Variants in GRIP1 observed in about 807,000 individuals in gnomAD.
GRIP1 encodes glutamate receptor interacting protein 1, also known as glutamate receptor-interacting protein 1.
A neutral mutation model predicts 129.9 loss-of-function variants in GRIP1; 45 were observed. The observed-to-expected ratio is 0.35, with a 90% CI of 0.27 to 0.44. The LOEUF (loss-of-function observed/expected upper bound fraction) is 0.44. Ranked by LOEUF, GRIP1 falls within the 20% of genes least tolerant of loss-of-function variation. The pLI is 1.00. For synonymous variants in GRIP1, 530 were observed against 520.8 expected, an observed-to-expected ratio of 1.02 and a Z score of -0.24; for missense variants, 1,196 against 1,396.8, an observed-to-expected ratio of 0.86 and a Z score of 2.29.
chr12:66,826,925 G>A lies in GRIP1; in HGVS notation c.59-229998C>T, dbSNP rs894884338. On this transcript the variant is annotated intron_variant, in intron 1 of 1. Coordinates refer to the GRIP1 transcript ENST00000643019. ...GCATCAAAGAGAGTATTGGTAGAGG[G>A]AAATCAATAATATACATCCAAATAT... is the stretch of plus-strand genomic sequence containing the variant. Among the ~76,000 whole-genome samples, 30 of 152,020 alleles carry A rather than the reference G, an allele frequency of 2.0e-4. No individual in the cohort carries two copies. In the East Asian group the frequency reaches 3.5e-3, roughly 18 times the overall value.
chr12:66,898,901 G>A (rs1000557976), intron 1 of GRIP1, among the ~76,000 whole-genome samples: 12 of 152,164 alleles, frequency 7.9e-5, no homozygotes, highest in Admixed American at 6.6e-4. Flanking sequence ...GAACAGGAAA[G>A]TTTATGTAAG....
intron 11 of GRIP1, among the ~76,000 whole-genome samples, chr12:66,449,941 G>C (rs2058731977): frequency 6.6e-6 from 1 of 151,812 alleles, no homozygotes; most frequent in Admixed American, 6.6e-5. Context: ...CAGATTATCG[G>C]ACTACTTAAT....
chr12:66,382,100 A>G (rs973169058), intron 19 of GRIP1, among the ~76,000 whole-genome samples: 5 of 152,150 alleles, frequency 3.3e-5, no homozygotes, highest in African/African-American at 4.8e-5. Flanking sequence ...TTAGCTGGGC[A>G]TGGTGGCGCA....
intron 11 of GRIP1, among the ~76,000 whole-genome samples, chr12:66,451,383 GTTTTTTTTTTTTTTTTTTT>G (rs1169331519): frequency 2.3e-4 from 10 of 42,652 alleles, no homozygotes; most frequent in South Asian, 7.9e-4. Flanking sequence ...ATTATAATCT[GTTTTTTTTTTTTTTTTTTT>G]TTTTTTTTTT....
intron 1 of GRIP1, among the ~76,000 whole-genome samples, chr12:66,706,232 G>T (rs960958029): frequency 1.3e-5 from 2 of 152,130 alleles, no homozygotes; most frequent in African/African-American, 4.8e-5. Context: ...CCATCAAAAA[G>T]TGGGCAAAGG....
chr12:66,699,730 A>G lies in GRIP1; in HGVS notation c.-419-69394T>C, dbSNP rs140071457. 2.1e-4 allele frequency among the ~76,000 whole-genome samples: 32 copies of G among 152,322 alleles called. No individual in the cohort carries two copies. The East Asian group carries it at 6.2e-3, about 29-fold the overall frequency. On this transcript the variant is annotated intron_variant, in intron 1 of 4. Transcript: ENST00000538373. ...AAGCAAAATATCTCCTTTGTTACTAATAAAGCTGATATTGAAGAAAGTGGC... is the reference window on the plus strand; with the variant it reads ...AAGCAAAATATCTCCTTTGTTACTAGTAAAGCTGATATTGAAGAAAGTGGC...
At chr12:66,641,582 T>C (rs543032401) in intron 1 of GRIP1, among the ~76,000 whole-genome samples, 28 of 152,294 alleles carry the variant, frequency 1.8e-4, no homozygotes, top group African/African-American at 6.0e-4. Context: ...TCATGACACA[T>C]AGGAGCAACT....
intron 2 of GRIP1, among the ~76,000 whole-genome samples, chr12:66,555,703 A>G (rs559792122): frequency 1.7e-3 from 257 of 152,276 alleles, no homozygotes; most frequent in African/African-American, 5.9e-3. Flanking sequence ...CCTATCAGAT[A>G]AATTTAACAA....
chr12:66,700,051 G>T (rs937448097), intron 1 of GRIP1, among the ~76,000 whole-genome samples: 11 of 152,198 alleles, frequency 7.2e-5, no homozygotes, highest in African/African-American at 2.7e-4. Context: ...AATCATTAGA[G>T]ATTCAGAGTA....
Position 66,541,949 on chromosome 12 carries a change from C to G in GRIP1, c.138G>C (p.Glu46Asp). The G allele has an allele frequency of 6.2e-7, 1 of 1,613,834 alleles. No homozygotes were observed. The highest frequency in any genetic ancestry group is 8.5e-7 in the Non-Finnish European group (1 of 1,179,724). ...CGACGACTGTGGAGCCCTTGAATTC[C>G]TCTGTTAAAAGAAAAGCATTTGCCT... is the stretch of plus-strand genomic sequence containing the variant. ...ALAVRRQSIP[E>D]EFKGSTVVEL... Residue 46 changes from glutamate (E) to aspartate (D), a missense_variant and splice_region_variant, in exon 3 of 25, where the codon GAG (glutamate) becomes GAC (aspartate). Glu to Asp is a conservative substitution (Grantham distance 45, BLOSUM62 2). Transcript: ENST00000359742.
intron 1 of GRIP1, among the ~76,000 whole-genome samples, chr12:66,766,624 G>A (rs920835264): frequency 6.6e-6 from 1 of 152,154 alleles, no homozygotes; most frequent in Admixed American, 6.6e-5. Flanking sequence ...AAACACACTC[G>A]GAAGAGCGCT....
chr12:66,433,871 T>C lies in GRIP1; in HGVS notation c.1688-1243A>G, dbSNP rs924631718. On this transcript the variant is annotated intron_variant, in intron 13 of 24. Transcript: ENST00000359742. ...GTCAGCTTGACTCAAGGCAGGTGCC[T>C]ATCCAGCACACAGACAATTAACCAC... Among the ~76,000 whole-genome samples the C allele has an allele frequency of 3.9e-5, 6 of 152,298 alleles. No homozygotes were observed. The South Asian group carries it at 1.0e-3, about 26-fold the overall frequency.
At chr12:66,523,584 T>C (rs1227454069) in intron 5 of GRIP1, among the ~76,000 whole-genome samples, 1 of 151,000 alleles carries the variant, frequency 6.6e-6, no homozygotes, top group Admixed American at 6.6e-5. Context: ...CATGCCAAAA[T>C]GTAAAGACCA....
At chr12:66,936,177 T>C (rs556442478) in intron 1 of GRIP1, among the ~76,000 whole-genome samples, 1 of 152,214 alleles carries the variant, frequency 6.6e-6, no homozygotes, top group South Asian at 2.1e-4. Context: ...CTCAGAACTT[T>C]GGGAGGCCAA....
rs1344303811 is a variant in GRIP1 at position 66,347,856 on chromosome 12, T to TAATC, written c.*1159_*1162dup. The TAATC allele has an allele frequency of 1.3e-5, 2 of 152,166 alleles. No homozygotes were observed. Among genetic ancestry groups the TAATC allele is most frequent in the Non-Finnish European group, 2.9e-5 (2 of 68,022 alleles). 9.4% of individuals were successfully genotyped at this position (152,166 alleles called of 1,614,324 possible). ...GACCAAAATGAAAATGTTTGGAAAA[T>TAATC]AATCATTTCAATATGGAGAGTCTAC... On this transcript the variant is annotated 3_prime_UTR_variant, in exon 25 of 25. Transcript: ENST00000359742.
At chr12:66,706,977 CTT>C (rs71069015) in intron 1 of GRIP1, among the ~76,000 whole-genome samples, 6,377 of 148,308 alleles carry the variant, frequency 0.043, 273 homozygotes, top group East Asian at 0.2. Flanking sequence ...CCATGTATCC[CTT>C]TTTTTTTTTA....
chr12:66,932,078 C>T (rs894682177), intron 1 of GRIP1, among the ~76,000 whole-genome samples: 1 of 152,100 alleles, frequency 6.6e-6, no homozygotes, highest in African/African-American at 2.4e-5. Flanking sequence ...CCTTTCATAT[C>T]TCCATCAAAG....
chr12:66,907,601 C>G (rs1435882929), intron 1 of GRIP1, among the ~76,000 whole-genome samples: 1 of 151,970 alleles, frequency 6.6e-6, no homozygotes, highest in African/African-American at 2.4e-5. Context: ...CAAGAGTGTT[C>G]CAGGAAGTGG....
intron 22 of GRIP1, among the ~76,000 whole-genome samples, chr12:66,376,075 C>T (rs970111729): frequency 6.6e-6 from 1 of 152,210 alleles, no homozygotes; most frequent in Non-Finnish European, 1.5e-5. Context: ...TTGCTAACAT[C>T]TTACTTCATT....
Sources: gnomAD v4.1 joint callset for allele counts (sites outside exome capture counted in the v4.1 genomes callset) on GRCh38, gnomAD v4.1.1 for gene constraint, MANE v1.5 for transcripts, NCBI Gene and HGNC (gene_info 2026-07-23, HGNC 2026-07-21) for gene names.